TUSC3: variants seen among roughly 807,000 people sequenced by gnomAD.
The protein encoded by TUSC3 is dolichyl-diphosphooligosaccharide--protein glycosyltransferase subunit TUSC3.
TUSC3 carries 45 observed loss-of-function variants against 44.8 expected under a neutral mutation model. That is an observed-to-expected ratio of 1.00 (90% CI 0.79 to 1.29). The LOEUF (loss-of-function observed/expected upper bound fraction) is 1.29, where lower values mean the gene tolerates loss of function less well. TUSC3 is among the 50% of genes most tolerant of loss of function. The pLI is 0.00. For missense variants in TUSC3, 519 were observed against 437.9 expected (o/e 1.19, Z -1.65); for synonymous variants, 212 against 152.9 (o/e 1.39, Z -2.85).
chr8:15,770,566 G>A (rs1197365615), downstream of TUSC3, among the ~76,000 whole-genome samples: 1 of 152,074 alleles, frequency 6.6e-6, no homozygotes, highest in African/African-American at 2.4e-5. Flanking sequence ...TAAAAATTAT[G>A]AAAAGGAGTC....
intron 1 of TUSC3, among the ~76,000 whole-genome samples, chr8:15,609,591 A>T (rs1450761511): frequency 6.6e-6 from 1 of 152,156 alleles, no homozygotes; most frequent in Non-Finnish European, 1.5e-5. Flanking sequence ...TGGGAAGCTC[A>T]TTTGACCCAT....
chr8:15,516,299 T>C (rs1333490852), intron 2 of TUSC3, among the ~76,000 whole-genome samples: 1 of 152,186 alleles, frequency 6.6e-6, no homozygotes, highest in Non-Finnish European at 1.5e-5. Context: ...TTTCAAGTTT[T>C]TAAAGCAAGT....
chr8:15,818,230 G>A, the TUSC3 span, among the ~76,000 whole-genome samples: 1 of 152,132 alleles, frequency 6.6e-6, no homozygotes, highest in African/African-American at 2.4e-5. Context: ...ACACATGATA[G>A]TCATCATTCT....
At chr8:15,591,892 G>A (rs1803855974) in intron 1 of TUSC3, among the ~76,000 whole-genome samples, 1 of 152,170 alleles carries the variant, frequency 6.6e-6, no homozygotes, top group Non-Finnish European at 1.5e-5. Flanking sequence ...TTTAAATCAA[G>A]GAGGTGACAT....
At chr8:15,464,020 G>C (rs984001351) in intron 1 of TUSC3, among the ~76,000 whole-genome samples, 12 of 152,182 alleles carry the variant, frequency 7.9e-5, no homozygotes, top group Non-Finnish European at 1.3e-4. Flanking sequence ...TAAAGTGCCT[G>C]TAAGATGTTA....
At chr8:15,548,764 G>GT (rs1386623320) in intron 1 of TUSC3, among the ~76,000 whole-genome samples, 2 of 151,770 alleles carry the variant, frequency 1.3e-5, no homozygotes, top group African/African-American at 4.8e-5. Context: ...CAACTTGTAT[G>GT]TTTACAGTTT....
intron 6 of TUSC3, among the ~76,000 whole-genome samples, chr8:15,685,112 G>C (rs1165003805): frequency 6.6e-6 from 1 of 152,200 alleles, no homozygotes; most frequent in Non-Finnish European, 1.5e-5. Context: ...ACTGCGTAGT[G>C]AAACATTTGG....
At chr8:15,739,630 G>T (rs1585287612) in intron 7 of TUSC3, among the ~76,000 whole-genome samples, 2 of 131,006 alleles carry the variant, frequency 1.5e-5, no homozygotes, top group Admixed American at 1.5e-4. Flanking sequence ...TGGCAATTTT[G>T]TGAGTTATTG....
the TUSC3 span, among the ~76,000 whole-genome samples, chr8:15,807,466 G>A: frequency 1.3e-5 from 2 of 152,006 alleles, no homozygotes; most frequent in African/African-American, 4.8e-5. Flanking sequence ...AGCTTTTAAT[G>A]TCTCAAAGAA....
At position 15,476,423 on chromosome 8, in the gene TUSC3, T is replaced by A. The variant is rs1245847511; in HGVS notation, n.92-6963T>A. Among the ~76,000 whole-genome samples, 2 of 152,214 alleles carry A rather than the reference T, an allele frequency of 1.3e-5. 1 individual carries two copies. The highest frequency in any genetic ancestry group is 2.9e-5 in the Non-Finnish European group (2 of 68,032). ...TCTTTTTATTTATCAACTAATGTAA[T>A]TTTTTCTAAGAACATAGTAGCTACA... is the stretch of plus-strand genomic sequence containing the variant. On this transcript the variant is annotated intron_variant and non_coding_transcript_variant, in intron 1 of 5. Transcript: ENST00000503191.
the TUSC3 span, among the ~76,000 whole-genome samples, chr8:15,810,717 C>G: frequency 6.6e-6 from 1 of 152,170 alleles, no homozygotes; most frequent in East Asian, 1.9e-4. Flanking sequence ...TTTGAGACGG[C>G]TGCCACATGG....
chr8:15,785,169 C>G, the TUSC3 span, among the ~76,000 whole-genome samples: 1 of 152,204 alleles, frequency 6.6e-6, no homozygotes, highest in South Asian at 2.1e-4. Flanking sequence ...TCAGAAATCA[C>G]CACTGAAGAT....
intron 6 of TUSC3, among the ~76,000 whole-genome samples, chr8:15,677,559 T>C (rs1225276052): frequency 1.3e-5 from 2 of 152,190 alleles, no homozygotes. Context: ...GTAAAATGAG[T>C]TGAATTCTGC....
chr8:15,555,699 T>G (rs2129138148), intron 1 of TUSC3, among the ~76,000 whole-genome samples: 1 of 151,812 alleles, frequency 6.6e-6, no homozygotes, highest in East Asian at 2.0e-4. Flanking sequence ...AGATAAGCCC[T>G]TTCATGTTTG....
At chr8:15,599,495 A>G (rs1804194449) in intron 1 of TUSC3, among the ~76,000 whole-genome samples, 1 of 151,688 alleles carries the variant, frequency 6.6e-6, no homozygotes, top group Non-Finnish European at 1.5e-5. Context: ...TATATCTAAA[A>G]AGTCATCGCC....
chr8:15,804,665 T>G, the TUSC3 span, among the ~76,000 whole-genome samples: 1 of 152,228 alleles, frequency 6.6e-6, no homozygotes, highest in Non-Finnish European at 1.5e-5. Flanking sequence ...TTCTTTATTC[T>G]GTTCCATTGG....
intron 1 of TUSC3, among the ~76,000 whole-genome samples, chr8:15,577,784 C>T (rs1463285798): frequency 1.4e-5 from 2 of 145,034 alleles, no homozygotes; most frequent in South Asian, 2.3e-4. Context: ...TTAGGATTGA[C>T]TTGGCGATGC....
chr8:15,837,227 T>TA, the TUSC3 span, among the ~76,000 whole-genome samples: 6 of 147,616 alleles, frequency 4.1e-5, no homozygotes, highest in Admixed American at 1.3e-4. Flanking sequence ...TCTTTTTTTT[T>TA]AAAAAATCAC....
At chr8:15,473,637 C>G (rs1204614029) in intron 1 of TUSC3, among the ~76,000 whole-genome samples, 1 of 152,148 alleles carries the variant, frequency 6.6e-6, no homozygotes, top group Non-Finnish European at 1.5e-5. Flanking sequence ...CATATATCGG[C>G]AGGACCGTGC....
Sources: gnomAD v4.1 joint callset for allele counts (sites outside exome capture counted in the v4.1 genomes callset) on GRCh38, gnomAD v4.1.1 for gene constraint, MANE v1.5 for transcripts, NCBI Gene and HGNC (gene_info 2026-07-23, HGNC 2026-07-21) for gene names.